Variants in C3orf33 observed in about 807,000 individuals in gnomAD.
C3orf33 encodes AP-1 activity suppressor.
Under a neutral mutation model 28.7 loss-of-function variants are expected in C3orf33, and 23 were observed. That is an observed-to-expected ratio of 0.80 (90% confidence interval 0.58 to 1.13). C3orf33 has a LOEUF of 1.13. Among genes scored for constraint, C3orf33 ranks in the 50% most tolerant of loss-of-function variants. C3orf33 has a pLI of 0.00. For synonymous variants in C3orf33, 119 were observed against 120.5 expected (o/e 0.99, Z 0.08); for missense variants, 327 against 353.4 (o/e 0.93, Z 0.60).
At chr3:155,802,935 G>A (rs1751693939) in intron 1 of C3orf33, among the ~76,000 whole-genome samples, 1 of 151,656 alleles carries the variant, frequency 6.6e-6, no homozygotes, top group African/African-American at 2.4e-5. Context: ...ATATAGTATT[G>A]GATTGTTCTC....
chr3:155,780,988 ACTT>A (rs1250535156), intron 2 of C3orf33, among the ~76,000 whole-genome samples: 7 of 148,118 alleles, frequency 4.7e-5, no homozygotes, highest in South Asian at 2.1e-4. Context: ...CTACCTCTAG[ACTT>A]CTTTTTTTTT....
chr3:155,782,526 G>T (rs889060278), intron 2 of C3orf33, among the ~76,000 whole-genome samples: 4 of 152,138 alleles, frequency 2.6e-5, no homozygotes, highest in Non-Finnish European at 5.9e-5. Context: ...CACATAAAAG[G>T]ATCCTTAATA....
rs59221219 is a variant in C3orf33, at chr3:155,801,309, CAAAAAAAA to C, written c.174+1215_174+1222del. Among the ~76,000 whole-genome samples the C allele has an allele frequency of 7.1e-3, 870 of 122,848 alleles. 10 individuals carry two copies. Among genetic ancestry groups the C allele is most frequent in the African/African-American group, 0.023 (751 of 32,096 alleles). 80.6% of individuals were successfully genotyped at this position (122,848 alleles called of 152,430 possible). A position where few individuals can be genotyped will look rare whatever the true frequency, so the allele number is the denominator to read the frequency against. On this transcript the variant is annotated intron_variant, in intron 2 of 4. Coordinates refer to ENST00000340171, the MANE Select transcript of C3orf33 (RefSeq NM_001308229.2). ...CTGGGCGACAGAGTGAGACTCTGTCCAAAAAAAAAAAAAAAAAAAATTAAAAACACAAT... is the reference window on the plus strand; with the variant it reads ...CTGGGCGACAGAGTGAGACTCTGTCCAAAAAAAAAAAATTAAAAACACAAT...
At chr3:155,764,522 A>G (rs1187875827) in intron 4 of C3orf33, among the ~76,000 whole-genome samples, 1 of 151,456 alleles carries the variant, frequency 6.6e-6, no homozygotes. Context: ...ATGAAACTGG[A>G]TAAATGGGAT....
In C3orf33 at chr3:155,802,611, G is replaced by A. The variant is rs1751681880; in HGVS notation, c.115-20C>T. On this transcript the variant is annotated intron_variant, in intron 1 of 4. Transcript: ENST00000340171. ...GATGTTCTACAGAAAGAGATTTAAGGGTTAACCCTCACTAATTATTAGTCA... is the reference window on the plus strand; with the variant it reads ...GATGTTCTACAGAAAGAGATTTAAGAGTTAACCCTCACTAATTATTAGTCA... The A allele has an allele frequency of 6.4e-6, 10 of 1,565,596 alleles. No individual in the cohort carries two copies. The highest frequency in any genetic ancestry group is 8.6e-6 in the Non-Finnish European group (10 of 1,157,930).
chr3:155,799,312 T>C (rs1751573301), intron 2 of C3orf33, among the ~76,000 whole-genome samples: 1 of 152,210 alleles, frequency 6.6e-6, no homozygotes, highest in South Asian at 2.1e-4. Context: ...AAGAGATACC[T>C]TTAATCCCAT....
At position 155,777,471 on chromosome 3, in the gene C3orf33, C is replaced by T. The variant is rs548029073; in HGVS notation, c.175-1623G>A. 2.2e-3 allele frequency among the ~76,000 whole-genome samples: 330 copies of T among 151,566 alleles called. 4 individuals are homozygous for T. The highest frequency in any genetic ancestry group is 7.6e-3 in the African/African-American group (316 of 41,316). ...TCTTTTTTTTTTTTAGACAGGGTCT[C>T]GCTCTGTGGCCCAGGCTGCAGCTCA... On this transcript the variant is annotated intron_variant, in intron 2 of 4. Transcript: ENST00000340171.
chr3:155,764,306 A>G (rs1402152709), intron 4 of C3orf33, among the ~76,000 whole-genome samples: 1 of 152,216 alleles, frequency 6.6e-6, no homozygotes, highest in African/African-American at 2.4e-5. Context: ...GATGAAGAGA[A>G]ACTAAACTAA....
chr3:155,799,234 A>G (rs890891991), intron 2 of C3orf33, among the ~76,000 whole-genome samples: 3 of 152,236 alleles, frequency 2.0e-5, no homozygotes, highest in Admixed American at 6.5e-5. Flanking sequence ...AACTAAAAAT[A>G]GAAGTACCAT....
chr3:155,764,667 A>G (rs1750342250), intron 4 of C3orf33, among the ~76,000 whole-genome samples: 1 of 151,806 alleles, frequency 6.6e-6, no homozygotes, highest in Non-Finnish European at 1.5e-5. Context: ...CCTGGCCAAC[A>G]TGGTGAAACA....
intron 2 of C3orf33, among the ~76,000 whole-genome samples, chr3:155,796,671 C>T (rs560029664): frequency 6.6e-6 from 1 of 152,264 alleles, no homozygotes; most frequent in South Asian, 2.1e-4. Flanking sequence ...ACTCATTCTA[C>T]AAGGCTAGTA....
chr3:155,793,886 T>C (rs1212588889), intron 2 of C3orf33, among the ~76,000 whole-genome samples: 3 of 144,170 alleles, frequency 2.1e-5, no homozygotes, highest in African/African-American at 7.6e-5. Flanking sequence ...TAATAAGATA[T>C]AAATAGAGAC....
In C3orf33 at chr3:155,763,695, A is replaced by G; in HGVS notation, c.707T>C (p.Ile236Thr). 2 of 1,592,968 alleles carry G rather than the reference A, an allele frequency of 1.3e-6. No individual in the cohort carries two copies. Among genetic ancestry groups the G allele is most frequent in the South Asian group, 2.3e-5 (2 of 85,400 alleles). ...LEKFKDSWRE[I>T]WKKDSFLKTT... The stretch of plus-strand genomic sequence containing the variant: ...TTTTAAAAAACTGTCCTTTTTCCAT[A>G]TTTCTCTCCAGGAATCTTTGAATTT... Residue 236 changes from isoleucine (I) to threonine (T), a missense_variant, in exon 5 of 5, where the codon ATA (isoleucine) becomes ACA (threonine). Ile to Thr is a moderately conservative substitution (Grantham distance 89). Coordinates refer to ENST00000340171, the MANE Select transcript of C3orf33 (RefSeq NM_001308229.2).
intron 2 of C3orf33, among the ~76,000 whole-genome samples, chr3:155,779,022 T>C (rs746610073): frequency 6.6e-6 from 1 of 152,118 alleles, no homozygotes; most frequent in Non-Finnish European, 1.5e-5. Context: ...CCAAAACTAA[T>C]GAAGGATGGG....
intron 2 of C3orf33, 49 bp downstream of exon 2, chr3:155,802,483 A>G (rs972509652): frequency 7.1e-7 from 1 of 1,414,434 alleles, no homozygotes; most frequent in East Asian, 2.3e-5. Context: ...TGAAATGGAA[A>G]TAAACTACCT....
At chr3:155,805,455 G>A (rs1751781923) in intron 1 of C3orf33, 1 of 367,390 alleles carries the variant, frequency 2.7e-6, no homozygotes, top group South Asian at 2.0e-5. Context: ...GGGAGACCCT[G>A]TCTCAAAAAA....
chr3:155,779,185 A>G (rs898679987), intron 2 of C3orf33, among the ~76,000 whole-genome samples: 1 of 152,214 alleles, frequency 6.6e-6, no homozygotes, highest in Non-Finnish European at 1.5e-5. Flanking sequence ...ACCACCAAAA[A>G]AAGTTCAACC....
intron 4 of C3orf33, among the ~76,000 whole-genome samples, chr3:155,764,778 C>T (rs1577408239): frequency 6.6e-6 from 1 of 151,948 alleles, no homozygotes; most frequent in African/African-American, 2.4e-5. Flanking sequence ...ATTGCTTGAA[C>T]CCAGGAGGCA....
At chr3:155,803,579 A>G (rs897738621) in intron 1 of C3orf33, among the ~76,000 whole-genome samples, 4 of 142,914 alleles carry the variant, frequency 2.8e-5, no homozygotes, top group East Asian at 2.1e-4. Flanking sequence ...AAAAAAAAAA[A>G]AAAAAAGAAA....
Sources: allele counts gnomAD v4.1 joint callset (sites outside exome capture counted in the v4.1 genomes callset), GRCh38; gene constraint gnomAD v4.1.1; transcripts MANE v1.5; gene names NCBI Gene and HGNC (gene_info 2026-07-23, HGNC 2026-07-21).